Variants in GPC5 observed in about 807,000 individuals in gnomAD.
The protein encoded by GPC5 is glypican 5.
A neutral mutation model predicts 53.9 loss-of-function variants in GPC5; 47 were observed. The ratio of observed to expected loss-of-function variants is 0.87; its 90% CI spans 0.69 to 1.11. The LOEUF is 1.11. GPC5 is among the 50% of genes most tolerant of loss of function. The probability of loss-of-function intolerance (pLI) is 0.00; values close to 1 mark genes in which losing one functional copy is unlikely to be tolerated. For synonymous variants in GPC5, 286 were observed against 263.3 expected, an observed-to-expected ratio of 1.09 and a Z score of -0.84; for missense variants, 748 against 713.1, an observed-to-expected ratio of 1.05 and a Z score of -0.56.
Position 92,031,772 on chromosome 13 carries a change from A to T in GPC5, c.1402-113058A>T, listed in dbSNP as rs1316454899. On this transcript the variant is annotated intron_variant, in intron 6 of 7. Transcript: ENST00000377067. Reference sequence around the variant, plus strand: ...ATATATTATATTACATATTATATATAATATATAATATATTACATATTATAT... The same window carrying T: ...ATATATTATATTACATATTATATATTATATATAATATATTACATATTATAT... 1.2e-4 allele frequency among the ~76,000 whole-genome samples: 13 copies of T among 105,476 alleles called. 1 individual carries two copies. Among genetic ancestry groups the T allele is most frequent in the South Asian group, 4.7e-4 (2 of 4,248 alleles). 69.2% of individuals were successfully genotyped at this position (105,476 alleles called of 152,430 possible). A position where few individuals can be genotyped will look rare whatever the true frequency, so the allele number is the denominator to read the frequency against.
chr13:92,068,032 T>A (rs183347246), intron 6 of GPC5, among the ~76,000 whole-genome samples: 1 of 151,930 alleles, frequency 6.6e-6, no homozygotes, highest in East Asian at 1.9e-4. Context: ...TTTTGGAAAA[T>A]TTTTTTAAAG....
chr13:91,815,442 T>C (rs1308675604), intron 5 of GPC5, among the ~76,000 whole-genome samples: 2 of 152,164 alleles, frequency 1.3e-5, no homozygotes, highest in Non-Finnish European at 2.9e-5. Flanking sequence ...ACTCCCCTAT[T>C]TTCCTTTCCT....
Position 91,577,440 on chromosome 13 carries a change from C to A in GPC5, c.326-115747C>A, listed in dbSNP as rs538043204. ...GCCTTGGCTACTTTGGAAAGAAGTC[C>A]CCTTGCAGAAGAGCCCTAGGGTCTG... On this transcript the variant is annotated intron_variant, in intron 2 of 7. Transcript: ENST00000377067. 2.6e-5 allele frequency among the ~76,000 whole-genome samples: 4 copies of A among 152,232 alleles called. No individual in the cohort carries two copies. In the South Asian group the frequency reaches 6.2e-4, roughly 24 times the overall value.
intron 7 of GPC5, among the ~76,000 whole-genome samples, chr13:92,422,488 T>TCACACACACACA (rs6145177): frequency 5.2e-5 from 7 of 133,390 alleles, no homozygotes; most frequent in South Asian, 2.6e-4. Context: ...CATCACCATC[T>TCACACACACACA]CACACACACA....
At chr13:92,626,932 T>G (rs7139928) in intron 7 of GPC5, among the ~76,000 whole-genome samples, 1 of 151,928 alleles carries the variant, frequency 6.6e-6, no homozygotes, top group East Asian at 1.9e-4. Context: ...TTTTGCCTTC[T>G]ATAACATCAA....
chr13:92,543,397 A>G (rs530703107), intron 7 of GPC5, among the ~76,000 whole-genome samples: 35 of 149,850 alleles, frequency 2.3e-4, no homozygotes, highest in East Asian at 9.7e-4. Flanking sequence ...TTGTGTCTCA[A>G]TGAGTTTCCT....
chr13:92,278,650 T>C (rs1293688966), intron 7 of GPC5, among the ~76,000 whole-genome samples: 1 of 152,048 alleles, frequency 6.6e-6, no homozygotes, highest in Non-Finnish European at 1.5e-5. Flanking sequence ...CTTTCAATAG[T>C]TTTATACTTT....
intron 2 of GPC5, among the ~76,000 whole-genome samples, chr13:91,453,184 G>A (rs961743085): frequency 6.6e-6 from 1 of 151,778 alleles, no homozygotes; most frequent in Non-Finnish European, 1.5e-5. Context: ...GTTAGATTCA[G>A]GAATTTATTA....
chr13:91,482,660 A>G (rs1883369202), intron 2 of GPC5, among the ~76,000 whole-genome samples: 4 of 152,140 alleles, frequency 2.6e-5, no homozygotes, highest in Admixed American at 2.6e-4. Context: ...TGACCACAGG[A>G]ATGTCATCGC....
chr13:91,478,734 C>T (rs1883083928), intron 2 of GPC5, among the ~76,000 whole-genome samples: 1 of 144,794 alleles, frequency 6.9e-6, no homozygotes. Flanking sequence ...GGATTGGGCT[C>T]AGATCATGTT....
intron 2 of GPC5, among the ~76,000 whole-genome samples, chr13:91,628,010 C>T (rs1415745237): frequency 6.6e-6 from 1 of 152,044 alleles, no homozygotes; most frequent in South Asian, 2.1e-4. Flanking sequence ...GTATAATTTA[C>T]AAAATTTTAA....
At chr13:92,698,614 C>A (rs962240671) in intron 7 of GPC5, among the ~76,000 whole-genome samples, 1 of 152,170 alleles carries the variant, frequency 6.6e-6, no homozygotes, top group South Asian at 2.1e-4. Context: ...TGAACAGTGC[C>A]GCAATAAACA....
intron 7 of GPC5, among the ~76,000 whole-genome samples, chr13:92,354,804 A>G (rs923763610): frequency 2.0e-5 from 3 of 152,160 alleles, no homozygotes; most frequent in Admixed American, 1.3e-4. Context: ...ACTCATGCAG[A>G]GGTCCTAGCC....
intron 7 of GPC5, among the ~76,000 whole-genome samples, chr13:92,425,566 A>G (rs1032591515): frequency 3.9e-5 from 6 of 152,118 alleles, no homozygotes; most frequent in Non-Finnish European, 7.4e-5. Context: ...CCAGTTTTAA[A>G]TGCAGAGTCA....
intron 2 of GPC5, among the ~76,000 whole-genome samples, chr13:91,589,868 C>T (rs969187131): frequency 1.3e-5 from 2 of 152,062 alleles, no homozygotes; most frequent in Admixed American, 6.6e-5. Context: ...TTCTATATCT[C>T]TTCCTTGCTA....
intron 7 of GPC5, among the ~76,000 whole-genome samples, chr13:92,575,782 A>G (rs9589582): frequency 0.024 from 3,592 of 152,244 alleles, 152 homozygotes; most frequent in African/African-American, 0.082. Flanking sequence ...AATTTTTAAA[A>G]TAATATTTAA....
intron 7 of GPC5, among the ~76,000 whole-genome samples, chr13:92,420,548 T>C (rs900738893): frequency 2.0e-5 from 3 of 152,192 alleles, no homozygotes; most frequent in Admixed American, 1.3e-4. Flanking sequence ...TTATTGACTA[T>C]AGTCACCCTG....
intron 2 of GPC5, among the ~76,000 whole-genome samples, chr13:91,480,968 T>TC (rs1555312844): frequency 4.0e-5 from 6 of 151,132 alleles, no homozygotes; most frequent in East Asian, 3.9e-4. Context: ...TTTTTTTTTT[T>TC]CCCAAAACTT....
chr13:92,474,014 G>A (rs1280599128), intron 7 of GPC5, among the ~76,000 whole-genome samples: 2 of 152,074 alleles, frequency 1.3e-5, no homozygotes, highest in Non-Finnish European at 2.9e-5. Context: ...TAGATGTTGA[G>A]GTTTATTGCC....
Sources: gnomAD v4.1 joint callset for allele counts (sites outside exome capture counted in the v4.1 genomes callset) on GRCh38, gnomAD v4.1.1 for gene constraint, MANE v1.5 for transcripts, NCBI Gene and HGNC (gene_info 2026-07-23, HGNC 2026-07-21) for gene names.